Variants in NEUROG1 observed in about 807,000 individuals in gnomAD.
The protein encoded by NEUROG1 is neurogenin 1, also known as neurogenin-1.
In NEUROG1, 5 loss-of-function variants were observed where a neutral mutation model predicts 5.7. The ratio of observed to expected loss-of-function variants is 0.88; its 90% CI spans 0.46 to 1.85. The LOEUF is 1.85. NEUROG1 is among the 40% of genes most tolerant of loss of function. The pLI is 0.01. For synonymous variants in NEUROG1, 196 were observed against 157.4 expected (o/e 1.25, Z -1.84); for missense variants, 403 against 345.7 (o/e 1.17, Z -1.32).
At position 135,535,945 on chromosome 5, in the gene NEUROG1, G is replaced by C. The variant is rs1180315906; in HGVS notation, c.-255C>G. The C allele has an allele frequency of 7.3e-6, 3 of 412,012 alleles. No individual in the cohort carries two copies. The highest frequency in any genetic ancestry group is 2.1e-5 in the African/African-American group (1 of 48,150). The allele number at this position is 412,012 out of a possible 1,614,324, so 25.5% of individuals were successfully genotyped here. A position where few individuals can be genotyped will look rare whatever the true frequency, so the allele number is the denominator to read the frequency against. The stretch of plus-strand genomic sequence containing the variant: ...ATGTCGCCGGCGATCAGATCAGCTC[G>C]TGTGAGCACCGAGTGTGGCACACGA... On this transcript the variant is annotated 5_prime_UTR_variant, in exon 1 of 1. Transcript: ENST00000314744.
chr5:135,534,926 C>A lies in NEUROG1; in HGVS notation c.*51G>T. On this transcript the variant is annotated 3_prime_UTR_variant, in exon 1 of 1. Coordinates refer to ENST00000314744, the MANE Select transcript of NEUROG1 (RefSeq NM_006161.3). ...CCCGAGGCGGCAGCTGGGGCCCCAT[C>A]TATTGCCTGCTGACTAGGGGAGGGG... 6.4e-7 allele frequency: 1 copy of A among 1,570,418 alleles called. No individual in the cohort carries two copies. The highest frequency in any genetic ancestry group is 8.6e-7 in the Non-Finnish European group (1 of 1,159,744).
In NEUROG1 at chr5:135,534,836, A is replaced by G. The variant is rs556719806; in HGVS notation, c.*141T>C. The G allele has an allele frequency of 4.9e-6, 4 of 809,672 alleles. No homozygotes were observed. The East Asian group carries it at 8.6e-5, about 17-fold the overall frequency. The allele number at this position is 809,672 out of a possible 1,614,324, so 50.2% of individuals were successfully genotyped here. A position where few individuals can be genotyped will look rare whatever the true frequency, so the allele number is the denominator to read the frequency against. On this transcript the variant is annotated 3_prime_UTR_variant, in exon 1 of 1. Coordinates refer to ENST00000314744, the MANE Select transcript of NEUROG1 (RefSeq NM_006161.3). Reference sequence around the variant, plus strand: ...CGCCGCGAGGGTGCGGCGACCTAACAAGCGGCTCAGGTATCCCCGACTGCT... The same window carrying G: ...CGCCGCGAGGGTGCGGCGACCTAACGAGCGGCTCAGGTATCCCCGACTGCT...
rs549630108 is a variant in NEUROG1 at position 135,535,671 on chromosome 5, G to A, written c.20C>T (p.Thr7Ile). The change falls in exon 1 of 1, where the codon ACC becomes ATC. Residue 7 changes from threonine to isoleucine, a missense_variant. Thr to Ile is a moderately conservative substitution (Grantham distance 89). Coordinates refer to ENST00000314744, the MANE Select transcript of NEUROG1 (RefSeq NM_006161.3). MPARLE[T>I]CISDLDCASS... ...GGCGCAGTCGAGGTCGGAGATGCAG[G>A]TCTCAAGGCGGGCTGGCATCGTTGC... 3 of 1,567,810 alleles carry A rather than the reference G, an allele frequency of 1.9e-6. No individual in the cohort carries two copies. Among genetic ancestry groups the A allele is most frequent in the Admixed American group, 3.8e-5 (2 of 52,764 alleles).
chr5:135,535,580 C>T lies in NEUROG1; in HGVS notation c.111G>A (p.Gln37=). The change falls in exon 1 of 1, where the codon CAG becomes CAA. Residue 37 remains glutamine, a synonymous_variant. Coordinates refer to ENST00000314744, the MANE Select transcript of NEUROG1 (RefSeq NM_006161.3). ...TDEEDCARLQ[Q]AASASGPPAP... ...CGGGCGGCCCCGAAGCGGAGGCTGCCTGTTGGAGTCTGGCACAGTCTTCCT... is the reference window on the plus strand; with the variant it reads ...CGGGCGGCCCCGAAGCGGAGGCTGCTTGTTGGAGTCTGGCACAGTCTTCCT... The T allele has an allele frequency of 6.3e-7, 1 of 1,588,740 alleles. No homozygotes were observed. Among genetic ancestry groups the T allele is most frequent in the African/African-American group, 1.4e-5 (1 of 74,062 alleles).
At position 135,535,154 on chromosome 5, in the gene NEUROG1, G is replaced by A. The variant is rs758684462; in HGVS notation, c.537C>T (p.Pro179=). Residue 179 remains proline (P), a synonymous_variant, in exon 1 of 1, where the codon CCC becomes CCT. Coordinates refer to ENST00000314744, the MANE Select transcript of NEUROG1 (RefSeq NM_006161.3). ...AGCCCCAGGACTCCGCGTCGCTGGC[G>A]GGGCTTGGGGGACCGGGCAGGCAGG... The part of the protein sequence containing the change: ...CVPCLPGPPS[P]ASDAESWGSG... 1 of 1,608,590 alleles carries A rather than the reference G, an allele frequency of 6.2e-7. No homozygotes were observed. The highest frequency in any genetic ancestry group is 1.1e-5 in the South Asian group (1 of 90,534).
In NEUROG1 at chr5:135,534,446, AAG is replaced by A. The variant is rs1407691451; in HGVS notation, c.*529_*530del. 6.5e-6 allele frequency: 1 copy of A among 154,832 alleles called. No homozygotes were observed. The highest frequency in any genetic ancestry group is 1.4e-5 in the Non-Finnish European group (1 of 69,662). 9.6% of individuals were successfully genotyped at this position (154,832 alleles called of 1,614,324 possible). On this transcript the variant is annotated 3_prime_UTR_variant, in exon 1 of 1. Coordinates refer to ENST00000314744, the MANE Select transcript of NEUROG1 (RefSeq NM_006161.3). Reference sequence around the variant, plus strand: ...CAGCCCTGTGCCTGAATAGCTAAGCAAGAGTCTCCAGTTCTTCCTAGAGCGAG... The same window carrying A: ...CAGCCCTGTGCCTGAATAGCTAAGCAAGTCTCCAGTTCTTCCTAGAGCGAG...
chr5:135,535,854 G>A lies in NEUROG1; in HGVS notation c.-164C>T, dbSNP rs1750535349. 3 of 605,648 alleles carry A rather than the reference G, an allele frequency of 5.0e-6. No individual in the cohort carries two copies. Among genetic ancestry groups the A allele is most frequent in the Admixed American group, 4.0e-5 (1 of 24,834 alleles). 37.5% of individuals were successfully genotyped at this position (605,648 alleles called of 1,614,324 possible). A position where few individuals can be genotyped will look rare whatever the true frequency, so the allele number is the denominator to read the frequency against. ...AGCCTGGAAGGGTGCAGGGGCGCAC[G>A]GAGAACTTGGCCTGGCCTCCTCGCC... On this transcript the variant is annotated 5_prime_UTR_variant, in exon 1 of 1. Coordinates refer to ENST00000314744, the MANE Select transcript of NEUROG1 (RefSeq NM_006161.3).
chr5:135,535,720 T>G lies in NEUROG1; in HGVS notation c.-30A>C. 1 of 1,487,462 alleles carries G rather than the reference T, an allele frequency of 6.7e-7. No individual in the cohort carries two copies. The highest frequency in any genetic ancestry group is 8.9e-7 in the Non-Finnish European group (1 of 1,121,866). The allele number at this position is 1,487,462 out of a possible 1,614,324, so 92.1% of individuals were successfully genotyped here. The stretch of plus-strand genomic sequence containing the variant: ...GCGCTGTGCAGGACCGACGGACAGA[T>G]AGAAAGGCGCTCAGAGCGCTGCAGC... On this transcript the variant is annotated 5_prime_UTR_variant, in exon 1 of 1. Coordinates refer to ENST00000314744, the MANE Select transcript of NEUROG1 (RefSeq NM_006161.3).
Position 135,535,551 on chromosome 5 carries a change from G to A in NEUROG1, c.140C>T (p.Pro47Leu), listed in dbSNP as rs755651256. 1.9e-6 allele frequency: 3 copies of A among 1,571,490 alleles called. No individual in the cohort carries two copies. Among genetic ancestry groups the A allele is most frequent in the Non-Finnish European group, 8.6e-7 (1 of 1,165,898 alleles). ...QAASASGPPA[P>L]ARRGAPNISR... Reference sequence around the variant, plus strand: ...GATATTGGGCGCGCCCCTGCGGGCCGGCGCGGGCGGCCCCGAAGCGGAGGC... The same window carrying A: ...GATATTGGGCGCGCCCCTGCGGGCCAGCGCGGGCGGCCCCGAAGCGGAGGC... The change falls in exon 1 of 1, where the codon CCG (proline) becomes CTG (leucine). Residue 47 changes from proline (P) to leucine (L), a missense_variant. Coordinates refer to ENST00000314744, the MANE Select transcript of NEUROG1 (RefSeq NM_006161.3).
At position 135,534,697 on chromosome 5, in the gene NEUROG1, A is replaced by G; in HGVS notation, c.*280T>C. On this transcript the variant is annotated 3_prime_UTR_variant, in exon 1 of 1. Coordinates refer to ENST00000314744, the MANE Select transcript of NEUROG1 (RefSeq NM_006161.3). ...GAAGTGGTGGCTGGGGTCAGTTCTG[A>G]GCCAGTCACAAAGGAGGTTTTGTGG... 4.5e-6 allele frequency: 2 copies of G among 445,802 alleles called. No homozygotes were observed. The highest frequency in any genetic ancestry group is 7.9e-6 in the Non-Finnish European group (2 of 252,742). 27.6% of individuals were successfully genotyped at this position (445,802 alleles called of 1,614,324 possible).
Position 135,535,506 on chromosome 5 carries a change from G to A in NEUROG1, c.185C>T (p.Pro62Leu), listed in dbSNP as rs776636503. Reference sequence around the variant, plus strand: ...CTCCTGCTCGTCGTCCTGTGCCCCTGGAACCTCAGACGCCCGGGAGATATT... The same window carrying A: ...CTCCTGCTCGTCGTCCTGTGCCCCTAGAACCTCAGACGCCCGGGAGATATT... ...APNISRASEV[P>L]GAQDDEQERR... The change falls in exon 1 of 1, where the codon CCA becomes CTA. Residue 62 changes from proline to leucine, a missense_variant. Coordinates refer to ENST00000314744, the MANE Select transcript of NEUROG1 (RefSeq NM_006161.3). 6.3e-7 allele frequency: 1 copy of A among 1,577,024 alleles called. No homozygotes were observed. The highest frequency in any genetic ancestry group is 8.6e-7 in the Non-Finnish European group (1 of 1,167,834).
In NEUROG1 at chr5:135,535,680, C is replaced by A. The variant is rs1273192291; in HGVS notation, c.11G>T (p.Arg4Leu). The A allele has an allele frequency of 2.6e-6, 4 of 1,561,410 alleles. No individual in the cohort carries two copies. Among genetic ancestry groups the A allele is most frequent in the Admixed American group, 1.9e-5 (1 of 52,338 alleles). MPA[R>L]LETCISDLDC... ...GAGGTCGGAGATGCAGGTCTCAAGG[C>A]GGGCTGGCATCGTTGCGCTGTGCAG... The change falls in exon 1 of 1, where the codon CGC (arginine) becomes CTC (leucine). Residue 4 changes from arginine to leucine, a missense_variant. Transcript: ENST00000314744.
chr5:135,535,198 G>A lies in NEUROG1; in HGVS notation c.493C>T (p.Leu165=), dbSNP rs371962821. The A allele has an allele frequency of 2.5e-6, 4 of 1,610,682 alleles. No homozygotes were observed. The highest frequency in any genetic ancestry group is 3.4e-6 in the Non-Finnish European group (4 of 1,178,686). ...LPGGGARERL[L]PPQCVPCLPG... ...AGGCAGGGGACGCACTGCGGCGGCA[G>A]GAGGCGCTCCCGGGCACCGCCTCCG... is the stretch of plus-strand genomic sequence containing the variant. The change falls in exon 1 of 1, where the codon CTG becomes TTG. Residue 165 remains leucine (L), a synonymous_variant. Transcript: ENST00000314744.
chr5:135,534,674 A>T lies in NEUROG1; in HGVS notation c.*303T>A. ...CTGTCCCTTTTCTAAATCACACTGA[A>T]GTGGTGGCTGGGGTCAGTTCTGAGC... On this transcript the variant is annotated 3_prime_UTR_variant, in exon 1 of 1. Coordinates refer to ENST00000314744, the MANE Select transcript of NEUROG1 (RefSeq NM_006161.3). 1 of 340,898 alleles carries T rather than the reference A, an allele frequency of 2.9e-6. No homozygotes were observed. Among genetic ancestry groups the T allele is most frequent in the South Asian group, 8.5e-5 (1 of 11,704 alleles). 21.1% of individuals were successfully genotyped at this position (340,898 alleles called of 1,614,324 possible).
Position 135,535,794 on chromosome 5 carries a change from TG to T in NEUROG1, c.-105del. Reference sequence around the variant, plus strand: ...GGGCGCACTTACGTTCCCAACAGCCTGGGGTTGTTACTCTGTGCCAGTTGCG... The same window carrying T: ...GGGCGCACTTACGTTCCCAACAGCCTGGGTTGTTACTCTGTGCCAGTTGCG... On this transcript the variant is annotated 5_prime_UTR_variant, in exon 1 of 1. Transcript: ENST00000314744. 1.8e-6 allele frequency: 2 copies of T among 1,105,588 alleles called. No individual in the cohort carries two copies. The highest frequency in any genetic ancestry group is 1.8e-5 in the South Asian group (1 of 56,534). 68.5% of individuals were successfully genotyped at this position (1,105,588 alleles called of 1,614,324 possible).
Position 135,535,388 on chromosome 5 carries a change from C to T in NEUROG1, c.303G>A (p.Glu101=), listed in dbSNP as rs2126852604. The change falls in exon 1 of 1, where the codon GAG becomes GAA. Residue 101 remains glutamate (E), a synonymous_variant. Transcript: ENST00000314744. ...CGTTCAAGTTGTGCATGCGGTTGCGCTCGCGATCGTTGGCCTTGACGCGCC... is the reference window on the plus strand; with the variant it reads ...CGTTCAAGTTGTGCATGCGGTTGCGTTCGCGATCGTTGGCCTTGACGCGCC... ...RSRRVKANDR[E]RNRMHNLNAA... The T allele has an allele frequency of 1.9e-6, 3 of 1,610,956 alleles. No individual in the cohort carries two copies. The highest frequency in any genetic ancestry group is 1.3e-5 in the African/African-American group (1 of 74,854).
In NEUROG1 at chr5:135,534,839, C is replaced by G. The variant is rs1750497641; in HGVS notation, c.*138G>C. On this transcript the variant is annotated 3_prime_UTR_variant, in exon 1 of 1. Coordinates refer to ENST00000314744, the MANE Select transcript of NEUROG1 (RefSeq NM_006161.3). Reference sequence around the variant, plus strand: ...CGCGAGGGTGCGGCGACCTAACAAGCGGCTCAGGTATCCCCGACTGCTTTA... The same window carrying G: ...CGCGAGGGTGCGGCGACCTAACAAGGGGCTCAGGTATCCCCGACTGCTTTA... 7.6e-5 allele frequency: 62 copies of G among 820,612 alleles called. No individual in the cohort carries two copies. The South Asian group carries it at 1.1e-3, about 15-fold the overall frequency. 50.8% of individuals were successfully genotyped at this position (820,612 alleles called of 1,614,324 possible).
chr5:135,535,249 G>C lies in NEUROG1; in HGVS notation c.442C>G (p.Leu148Val). The change falls in exon 1 of 1, where the codon CTG becomes GTG. Residue 148 changes from leucine to valine, a missense_variant. Coordinates refer to ENST00000314744, the MANE Select transcript of NEUROG1 (RefSeq NM_006161.3). ...GGCAGCCCTTGATCCGCCAGGCGCA[G>C]TGTCTCGGCCAGAGCCCAGATGTAG... ...YNYIWALAET[L>V]RLADQGLPGG... The C allele has an allele frequency of 6.2e-7, 1 of 1,613,256 alleles. No homozygotes were observed. The highest frequency in any genetic ancestry group is 8.5e-7 in the Non-Finnish European group (1 of 1,179,634).
In NEUROG1 at chr5:135,535,362, G is replaced by A. The variant is rs754766630; in HGVS notation, c.329C>T (p.Ala110Val). The A allele has an allele frequency of 1.3e-5, 21 of 1,612,980 alleles. No individual in the cohort carries two copies. Among genetic ancestry groups the A allele is most frequent in the East Asian group, 2.2e-5 (1 of 44,828 alleles). ...RERNRMHNLN[A>V]ALDALRSVLP... ...CACGCTGCGCAGTGCGTCCAGGGCCGCGTTCAAGTTGTGCATGCGGTTGCG... is the reference window on the plus strand; with the variant it reads ...CACGCTGCGCAGTGCGTCCAGGGCCACGTTCAAGTTGTGCATGCGGTTGCG... Residue 110 changes from alanine to valine, a missense_variant, in exon 1 of 1, where the codon GCG (alanine) becomes GTG (valine). Transcript: ENST00000314744.
Sources: allele counts gnomAD v4.1 joint callset, GRCh38; gene constraint gnomAD v4.1.1; transcripts MANE v1.5; gene names NCBI Gene and HGNC (gene_info 2026-07-23, HGNC 2026-07-21).